AMOTL1: variants seen among roughly 807,000 people sequenced by gnomAD.
AMOTL1 encodes angiomotin-like protein 1.
AMOTL1 carries 45 observed loss-of-function variants against 102.9 expected under a neutral mutation model. The ratio of observed to expected loss-of-function variants is 0.44; its 90% CI spans 0.34 to 0.56. The LOEUF (loss-of-function observed/expected upper bound fraction) is 0.56. Ranked by LOEUF, AMOTL1 falls within the 20% of genes least tolerant of loss-of-function variation. AMOTL1 has a pLI of 0.01. For missense variants in AMOTL1, 1,114 were observed against 1,225.6 expected, an observed-to-expected ratio of 0.91 and a Z score of 1.36; for synonymous variants, 481 against 484.7, an observed-to-expected ratio of 0.99 and a Z score of 0.10.
intron 1 of AMOTL1, among the ~76,000 whole-genome samples, chr11:94,714,197 C>G (rs1026028275): frequency 1.3e-5 from 2 of 151,988 alleles, no homozygotes; most frequent in African/African-American, 4.8e-5. Context: ...GAATGATTTT[C>G]AAATATTGAA....
chr11:94,772,319 AC>A (rs1343197954), intron 1 of AMOTL1, among the ~76,000 whole-genome samples: 1 of 152,094 alleles, frequency 6.6e-6, no homozygotes, highest in East Asian at 1.9e-4. Flanking sequence ...CTATTTTATT[AC>A]CCCAATGATC....
At chr11:94,810,116 T>C (rs568211803) in intron 3 of AMOTL1, among the ~76,000 whole-genome samples, 50 of 152,302 alleles carry the variant, frequency 3.3e-4, no homozygotes, top group African/African-American at 1.1e-3. Flanking sequence ...GGCCAACTCT[T>C]GTGAAAAATC....
chr11:94,844,750 A>G (rs144421241), intron 6 of AMOTL1, among the ~76,000 whole-genome samples: 1,991 of 152,266 alleles, frequency 0.013, 44 homozygotes, highest in African/African-American at 0.045. Context: ...TAAAGGCCCC[A>G]CCTCTTAATA....
chr11:94,821,736 A>C lies in AMOTL1; in HGVS notation c.1328A>C (p.Gln443Pro). 6.2e-7 allele frequency: 1 copy of C among 1,614,030 alleles called. No individual in the cohort carries two copies. Among genetic ancestry groups the C allele is most frequent in the Non-Finnish European group, 8.5e-7 (1 of 1,179,896 alleles). Residue 443 changes from glutamine (Q) to proline (P), a missense_variant, in exon 4 of 13, where the codon CAA becomes CCA. Gln to Pro is a moderately conservative substitution (Grantham distance 76). Transcript: ENST00000433060. Reference protein sequence around the residue: ...DAFAIVERAQQMVEILTEENR... With the variant: ...DAFAIVERAQPMVEILTEENR... The stretch of plus-strand genomic sequence containing the variant: ...TTTGCGATTGTGGAGCGAGCCCAGC[A>C]AATGGTGGAGATATTAACAGAGGAG...
chr11:94,717,723 CAT>C (rs1950117420), intron 1 of AMOTL1, among the ~76,000 whole-genome samples: 1 of 151,552 alleles, frequency 6.6e-6, no homozygotes, highest in Non-Finnish European at 1.5e-5. Flanking sequence ...ATAAATAAAA[CAT>C]ATGTGATGAA....
chr11:94,738,282 G>T (rs929663362), intron 2 of AMOTL1, among the ~76,000 whole-genome samples: 6 of 150,572 alleles, frequency 4.0e-5, no homozygotes, highest in African/African-American at 1.5e-4. Context: ...TTTTGAGACG[G>T]AGTCTTGCTC....
intron 1 of AMOTL1, among the ~76,000 whole-genome samples, chr11:94,789,313 C>T (rs919189631): frequency 6.6e-6 from 1 of 152,174 alleles, no homozygotes; most frequent in Non-Finnish European, 1.5e-5. Flanking sequence ...TGCCCGCCAC[C>T]ATGCCTGGCT....
At chr11:94,738,535 G>C (rs943274206) in intron 2 of AMOTL1, among the ~76,000 whole-genome samples, 3 of 152,158 alleles carry the variant, frequency 2.0e-5, no homozygotes, top group African/African-American at 7.2e-5. Context: ...TGGAAATATA[G>C]ATGTGAGCCA....
At chr11:94,721,612 G>A (rs1449205357) in intron 1 of AMOTL1, among the ~76,000 whole-genome samples, 2 of 152,054 alleles carry the variant, frequency 1.3e-5, no homozygotes, top group Non-Finnish European at 2.9e-5. Context: ...CAGGGAGAAG[G>A]TGGTCATCAG....
At chr11:94,810,932 GA>G (rs1379191197) in intron 3 of AMOTL1, among the ~76,000 whole-genome samples, 4 of 150,326 alleles carry the variant, frequency 2.7e-5, no homozygotes, top group Admixed American at 6.6e-5. Context: ...AGCTACTTAA[GA>G]AAAAAAAATT....
At position 94,859,545 on chromosome 11, in the gene AMOTL1, A is replaced by C. The variant is rs1393672473; in HGVS notation, c.1965A>C (p.Pro655=). ...RTQQKHGNGQ[P]ANMPEYNAPA... ...TTCAGAAACATGGAAATGGCCAGCCAGCCAACATGCCGGAATACAATGCCC... is the reference window on the plus strand; with the variant it reads ...TTCAGAAACATGGAAATGGCCAGCCCGCCAACATGCCGGAATACAATGCCC... The change falls in exon 9 of 13, where the codon CCA becomes CCC. Residue 655 remains proline, a synonymous_variant. Coordinates refer to ENST00000433060, the MANE Select transcript of AMOTL1 (RefSeq NM_130847.3). 6.2e-7 allele frequency: 1 copy of C among 1,611,906 alleles called. No homozygotes were observed. The highest frequency in any genetic ancestry group is 1.7e-5 in the Admixed American group (1 of 59,402).
chr11:94,728,021 T>C (rs1950288409), intron 1 of AMOTL1, among the ~76,000 whole-genome samples: 1 of 152,314 alleles, frequency 6.6e-6, no homozygotes, highest in African/African-American at 2.4e-5. Flanking sequence ...CTGGGCTGAC[T>C]ACAGCAAATG....
chr11:94,827,927 G>A (rs1166957262), intron 4 of AMOTL1, among the ~76,000 whole-genome samples: 1 of 152,160 alleles, frequency 6.6e-6, no homozygotes, highest in East Asian at 1.9e-4. Flanking sequence ...CCTTTGGCGT[G>A]AATGCTTTTT....
At chr11:94,855,164 T>C (rs1452936699) in intron 8 of AMOTL1, among the ~76,000 whole-genome samples, 1 of 152,150 alleles carries the variant, frequency 6.6e-6, no homozygotes, top group East Asian at 1.9e-4. Context: ...TAGGGCATAG[T>C]GGTTGTGGTT....
At position 94,821,697 on chromosome 11, in the gene AMOTL1, T is replaced by C; in HGVS notation, c.1289T>C (p.Leu430Pro). 1 of 1,614,012 alleles carries C rather than the reference T, an allele frequency of 6.2e-7. No homozygotes were observed. The part of the protein sequence containing the change: ...PPPAASPSQQ[L>P]GPDAFAIVER... The stretch of plus-strand genomic sequence containing the variant: ...CCTGCCGCCTCCCCCAGCCAGCAGC[T>C]TGGTCCAGATGCCTTTGCGATTGTG... The change falls in exon 4 of 13, where the codon CTT becomes CCT. Residue 430 changes from leucine to proline, a missense_variant. Coordinates refer to ENST00000433060, the MANE Select transcript of AMOTL1 (RefSeq NM_130847.3).
chr11:94,741,074 C>G, intron 3 of AMOTL1: 3 of 1,111,162 alleles, frequency 2.7e-6, no homozygotes, highest in Non-Finnish European at 3.6e-6. Flanking sequence ...AGGAACTCAG[C>G]TAGGGATGGG....
In AMOTL1 at chr11:94,840,315, G is replaced by A. The variant is rs77573446; in HGVS notation, c.1648+8774G>A. The stretch of plus-strand genomic sequence containing the variant: ...CAGAGAACTTTTGAGGGGACAAAGT[G>A]TTTGTTTTAAGTCCAGAAAATTTGG... On this transcript the variant is annotated intron_variant, in intron 6 of 12. Transcript: ENST00000433060. Among the ~76,000 whole-genome samples the A allele has an allele frequency of 1.3e-3, 196 of 152,180 alleles. 3 individuals are homozygous for A. In the East Asian group the frequency reaches 0.033, roughly 26 times the overall value.
At chr11:94,740,576 G>A (rs1047006458) in intron 2 of AMOTL1, among the ~76,000 whole-genome samples, 10 of 151,706 alleles carry the variant, frequency 6.6e-5, no homozygotes, top group Non-Finnish European at 1.5e-5. Context: ...CTGGGGCGTC[G>A]GCGCCAGGCC....
At chr11:94,749,130 G>A (rs143832212) in intron 3 of AMOTL1, among the ~76,000 whole-genome samples, 753 of 152,340 alleles carry the variant, frequency 4.9e-3, no homozygotes, top group Middle Eastern at 0.01. Context: ...GGGGAACCAT[G>A]GAAGCCATGG....
Sources: gnomAD v4.1 joint callset for allele counts (sites outside exome capture counted in the v4.1 genomes callset) on GRCh38, gnomAD v4.1.1 for gene constraint, MANE v1.5 for transcripts, NCBI Gene and HGNC (gene_info 2026-07-23, HGNC 2026-07-21) for gene names.